GPM6B: variants seen among roughly 807,000 people sequenced by gnomAD.
The protein encoded by GPM6B is glycoprotein M6B.
Under a neutral mutation model 27.2 loss-of-function variants are expected in GPM6B, and 4 were observed. The ratio of observed to expected loss-of-function variants is 0.15; its 90% CI spans 0.07 to 0.34. The LOEUF is 0.34. GPM6B is among the 10% of genes least tolerant of loss of function. GPM6B has a pLI of 1.00. For synonymous variants in GPM6B, 124 were observed against 103.1 expected (o/e 1.20, Z -1.23); for missense variants, 183 against 261.9 (o/e 0.70, Z 2.08).
At chrX:13,919,427 C>T (rs6629414) in intron 1 of GPM6B, among the ~76,000 whole-genome samples, 15,160 of 111,167 alleles carry the variant, frequency 0.14, 794 homozygotes, top group Admixed American at 0.19. Flanking sequence ...TTTCAAACAA[C>T]CTGTAGTATG....
chrX:13,928,572 A>G (rs1168198215), intron 1 of GPM6B, among the ~76,000 whole-genome samples: 1 of 112,618 alleles, frequency 8.9e-6, no homozygotes, highest in Non-Finnish European at 1.9e-5. Context: ...GAAAATATAA[A>G]GTACTGCATC....
intron 1 of GPM6B, among the ~76,000 whole-genome samples, chrX:13,865,211 G>A (rs1029868959): frequency 1.1e-4 from 12 of 110,280 alleles, no homozygotes; most frequent in Non-Finnish European, 1.9e-4. Context: ...CCACAACTTG[G>A]AAAAGTCACC....
chrX:13,774,479 T>A, intron 7 of GPM6B: 2 of 1,199,596 alleles, frequency 1.7e-6, no homozygotes, highest in Non-Finnish European at 1.1e-6. Flanking sequence ...AGACTCTGCT[T>A]TAGTCTGGAG....
At chrX:13,774,639 C>T in intron 7 of GPM6B, 1 of 1,160,757 alleles carries the variant, frequency 8.6e-7, no homozygotes, top group Non-Finnish European at 1.2e-6. Context: ...TGGAAGAGAA[C>T]AAAACAGGAC....
chrX:13,842,210 T>C (rs928560647), intron 1 of GPM6B, among the ~76,000 whole-genome samples: 5 of 112,306 alleles, frequency 4.5e-5, no homozygotes, highest in African/African-American at 1.6e-4. Flanking sequence ...TGAGAACTGA[T>C]TTCTCAAATA....
intron 1 of GPM6B, among the ~76,000 whole-genome samples, chrX:13,813,740 T>C (rs779190663): frequency 1.4e-4 from 16 of 112,268 alleles, no homozygotes; most frequent in African/African-American, 4.2e-4. Context: ...CTTTTTATTA[T>C]TGGGTTCCAT....
chrX:13,916,470 T>C (rs1346685224), intron 1 of GPM6B, among the ~76,000 whole-genome samples: 1 of 111,107 alleles, frequency 9.0e-6, no homozygotes, highest in African/African-American at 3.3e-5. Flanking sequence ...TTGAAGTGCG[T>C]TGGAAACCCC....
intron 1 of GPM6B, among the ~76,000 whole-genome samples, chrX:13,874,916 T>C (rs973123772): frequency 2.9e-5 from 3 of 104,911 alleles, no homozygotes; most frequent in African/African-American, 1.0e-4. Context: ...CCTCTTTATT[T>C]ATACTCCATA....
intron 4 of GPM6B, among the ~76,000 whole-genome samples, chrX:13,781,683 C>G (rs1317377300): frequency 9.0e-6 from 1 of 111,582 alleles, no homozygotes; most frequent in Non-Finnish European, 1.9e-5. Context: ...CTGGAAGCCC[C>G]CTCCCTGCTT....
Position 13,916,663 on chromosome X carries a change from ATGTGTGTGTGTG to A in GPM6B, c.-198+21652_-198+21663del, listed in dbSNP as rs55844856. 4.7e-3 allele frequency among the ~76,000 whole-genome samples: 423 copies of A among 90,178 alleles called. 1 individual carries two copies. The highest frequency in any genetic ancestry group is 6.4e-3 in the Non-Finnish European group (289 of 45,421). The allele number at this position is 90,178 out of a possible 115,157, so 78.3% of individuals were successfully genotyped here. On this transcript the variant is annotated intron_variant, in intron 1 of 6. Transcript: ENST00000398361. Reference sequence around the variant, plus strand: ...GAAAAGAACATGTATTAGTTTATTAATGTGTGTGTGTGTGTGTGTGTGTGTGTGTGTGTGTGT... The same window carrying A: ...GAAAAGAACATGTATTAGTTTATTAATGTGTGTGTGTGTGTGTGTGTGTGT...
At chrX:13,778,759 A>G (rs893171509) in intron 5 of GPM6B, among the ~76,000 whole-genome samples, 2 of 111,739 alleles carry the variant, frequency 1.8e-5, no homozygotes, top group Non-Finnish European at 3.8e-5. Context: ...GGAGAATGAT[A>G]TACATTTAGA....
chrX:13,871,125 G>A (rs867547748), intron 1 of GPM6B, among the ~76,000 whole-genome samples: 1 of 97,523 alleles, frequency 1.0e-5, no homozygotes, highest in Non-Finnish European at 2.1e-5. Flanking sequence ...AAAAAAAAAA[G>A]AAGTTAGAGC....
intron 1 of GPM6B, among the ~76,000 whole-genome samples, chrX:13,808,987 A>G (rs962920258): frequency 8.9e-6 from 1 of 112,424 alleles, no homozygotes; most frequent in Non-Finnish European, 1.9e-5. Context: ...AGATGCTGGG[A>G]TAAGATCAGA....
Position 13,800,608 on chromosome X carries a change from G to A in GPM6B, c.181+7042C>T, listed in dbSNP as rs1204082656. On this transcript the variant is annotated intron_variant, in intron 2 of 7. Coordinates refer to ENST00000316715, the MANE Select transcript of GPM6B (RefSeq NM_001001995.3). ...TAGTACTGTCTGCTAAGGATGTGGA[G>A]GTTTGACTTTGAGCATCTTAACTGT... 6.3e-5 allele frequency among the ~76,000 whole-genome samples: 7 copies of A among 111,983 alleles called. No homozygotes were observed. In the East Asian group the frequency reaches 1.9e-3, roughly 31 times the overall value.
At chrX:13,928,441 G>A (rs1215474716) in intron 1 of GPM6B, among the ~76,000 whole-genome samples, 1 of 112,189 alleles carries the variant, frequency 8.9e-6, no homozygotes, top group Non-Finnish European at 1.9e-5. Context: ...TTAGTAAACC[G>A]GTACAGTGGC....
At chrX:13,936,351 G>A (rs1921837089) in intron 1 of GPM6B, among the ~76,000 whole-genome samples, 2 of 111,780 alleles carry the variant, frequency 1.8e-5, no homozygotes, top group African/African-American at 6.5e-5. Flanking sequence ...AGTCTGAAGG[G>A]ACTTTTATTT....
In GPM6B at chrX:13,813,708, T is replaced by C. The variant is rs1603039301; in HGVS notation, c.61+3136A>G. Among the ~76,000 whole-genome samples the C allele has an allele frequency of 4.5e-5, 5 of 112,266 alleles. 1 individual carries two copies. In the Admixed American group the frequency reaches 4.7e-4, roughly 11 times the overall value. Reference sequence around the variant, plus strand: ...GACAACAAGTAATACTCCACTGAAATCAATGGAAACCGACTCTCCATCTTT... The same window carrying C: ...GACAACAAGTAATACTCCACTGAAACCAATGGAAACCGACTCTCCATCTTT... On this transcript the variant is annotated intron_variant, in intron 1 of 7. Coordinates refer to ENST00000316715, the MANE Select transcript of GPM6B (RefSeq NM_001001995.3).
chrX:13,861,039 C>T (rs1029576584), intron 1 of GPM6B, among the ~76,000 whole-genome samples: 5 of 41,814 alleles, frequency 1.2e-4, no homozygotes, highest in African/African-American at 9.0e-4. Flanking sequence ...CACACACACA[C>T]ACACATATAT....
intron 1 of GPM6B, among the ~76,000 whole-genome samples, chrX:13,850,554 T>A (rs912979325): frequency 8.9e-6 from 1 of 112,765 alleles, no homozygotes; most frequent in Non-Finnish European, 1.9e-5. Context: ...TCTGCCAAGT[T>A]ACTAATTCAA....
Sources: gnomAD v4.1 joint callset for allele counts (sites outside exome capture counted in the v4.1 genomes callset) on GRCh38, gnomAD v4.1.1 for gene constraint, MANE v1.5 for transcripts, NCBI Gene and HGNC (gene_info 2026-07-23, HGNC 2026-07-21) for gene names.